Variants in PKD2 observed in about 807,000 individuals in gnomAD.
PKD2 encodes polycystin 2, transient receptor potential cation channel.
In PKD2, 48 loss-of-function variants were observed where a neutral mutation model predicts 105.9. The ratio of observed to expected loss-of-function variants is 0.45; its 90% CI spans 0.36 to 0.58. The LOEUF (loss-of-function observed/expected upper bound fraction) is 0.58. Among genes scored for constraint, PKD2 ranks in the 20% least tolerant of loss-of-function variants. The pLI, the probability that PKD2 is intolerant of heterozygous loss-of-function variation, is 0.00. For synonymous variants in PKD2, 464 were observed against 481.1 expected (o/e 0.96, Z 0.46); for missense variants, 1,078 against 1,255.3 (o/e 0.86, Z 2.13).
chr4:88,071,591 A>G lies in PKD2; in HGVS notation c.2523-3221A>G, dbSNP rs572598367. Among the ~76,000 whole-genome samples the G allele has an allele frequency of 6.0e-5, 9 of 151,090 alleles. No individual in the cohort carries two copies. The East Asian group carries it at 1.7e-3, about 29-fold the overall frequency. On this transcript the variant is annotated intron_variant, in intron 13 of 14. Transcript: ENST00000237596. ...TGTTGTTGTTGTTGTTAAAGATTGG[A>G]CATGTTAGATAATATATTGTAGGAA...
chr4:88,030,013 ATTCCT>A (rs975084518), intron 2 of PKD2, among the ~76,000 whole-genome samples: 1 of 152,154 alleles, frequency 6.6e-6, no homozygotes, highest in African/African-American at 2.4e-5. Context: ...AAGTGACAAG[ATTCCT>A]TTAAGTTTTA....
At chr4:88,070,593 TATATATATAGAGAGAG>T (rs1170609392) in intron 13 of PKD2, among the ~76,000 whole-genome samples, 6 of 108,484 alleles carry the variant, frequency 5.5e-5, no homozygotes, top group East Asian at 2.3e-4. Flanking sequence ...TATATATATA[TATATATATAGAGAGAG>T]AGAGAGAGAG....
chr4:88,024,457 G>GAAAAAAAAAAAAAAAAAAAAAAAAA (rs552942631), intron 2 of PKD2, among the ~76,000 whole-genome samples: 3 of 50,386 alleles, frequency 6.0e-5, no homozygotes, highest in Admixed American at 4.9e-4. Context: ...ACTCTGTCTC[G>GAAAAAAAAAAAAAAAAAAAAAAAAA]AAAAAAAAAA....
intron 1 of PKD2, among the ~76,000 whole-genome samples, chr4:88,010,697 C>T (rs1039326172): frequency 6.6e-6 from 1 of 152,248 alleles, no homozygotes; most frequent in African/African-American, 2.4e-5. Flanking sequence ...CTGAGCTCCT[C>T]ATTTATAAAA....
At chr4:88,062,137 A>G in intron 10 of PKD2, 133 bp downstream of exon 10, 2 of 622,728 alleles carry the variant, frequency 3.2e-6, no homozygotes, top group Admixed American at 4.9e-5. Context: ...TATTTCAGGA[A>G]TAATTTAAAT....
chr4:88,053,089 C>G (rs931103509), intron 7 of PKD2, among the ~76,000 whole-genome samples: 1 of 152,174 alleles, frequency 6.6e-6, no homozygotes, highest in Non-Finnish European at 1.5e-5. Flanking sequence ...CCAGCACAGG[C>G]TCTGATTGTG....
intron 2 of PKD2, among the ~76,000 whole-genome samples, chr4:88,027,910 A>G (rs1179385756): frequency 6.6e-6 from 1 of 152,160 alleles, no homozygotes; most frequent in Non-Finnish European, 1.5e-5. Context: ...CATGATTGTA[A>G]GTTTCCTGAG....
At chr4:88,016,151 G>A (rs971765307) in intron 1 of PKD2, among the ~76,000 whole-genome samples, 3 of 152,102 alleles carry the variant, frequency 2.0e-5, no homozygotes, top group African/African-American at 7.2e-5. Flanking sequence ...ACTTGCCTGC[G>A]GCTCACCTCC....
chr4:88,029,425 C>T (rs1727067834), intron 2 of PKD2, among the ~76,000 whole-genome samples: 1 of 152,152 alleles, frequency 6.6e-6, no homozygotes, highest in African/African-American at 2.4e-5. Flanking sequence ...TGGGATCTCT[C>T]ACAGGCCTCT....
chr4:88,046,848 G>T lies in PKD2; in HGVS notation c.1526G>T (p.Cys509Phe). The T allele has an allele frequency of 6.2e-7, 1 of 1,607,650 alleles. No individual in the cohort carries two copies. Among genetic ancestry groups the T allele is most frequent in the Non-Finnish European group, 8.5e-7 (1 of 1,174,112 alleles). Residue 509 changes from cysteine to phenylalanine, a missense_variant, in exon 6 of 15, where the codon TGT becomes TTT. Cys to Phe is a radical substitution (Grantham distance 205, BLOSUM62 -2). This residue lies in a region of PKD2 where 868 missense variants were observed against 1,067.3 expected (regional missense o/e 0.81). Coordinates refer to ENST00000237596, the MANE Select transcript of PKD2 (RefSeq NM_000297.4). ...CACTATTTCAGGAGTTTCTGGAATT[G>T]TCTGGATGTTGTGATCGTTGTGGTA... is the stretch of plus-strand genomic sequence containing the variant. ...KLHYFRSFWN[C>F]LDVVIVVLSV...
In PKD2 at chr4:88,061,932, T is replaced by C; in HGVS notation, c.2046T>C (p.Asp682=). ...ATATGTTTTTGGCTATCATCAATGA[T>C]ACTTACTCTGAAGTGAAATCTGACT... ...LLNMFLAIIN[D]TYSEVKSDLA... The change falls in exon 10 of 15, where the codon GAT becomes GAC. Residue 682 remains aspartate (D), a synonymous_variant. Coordinates refer to ENST00000237596, the MANE Select transcript of PKD2 (RefSeq NM_000297.4). The C allele has an allele frequency of 6.4e-7, 1 of 1,566,638 alleles. No individual in the cohort carries two copies. The highest frequency in any genetic ancestry group is 8.8e-7 in the Non-Finnish European group (1 of 1,136,872).
chr4:88,029,802 C>T (rs781330861), intron 2 of PKD2, among the ~76,000 whole-genome samples: 3 of 152,096 alleles, frequency 2.0e-5, no homozygotes, highest in East Asian at 1.9e-4. Context: ...ACGAGTCAGA[C>T]GAAGAGAGAA....
chr4:88,038,525 A>C (rs1324730506), intron 4 of PKD2, 24 bp downstream of exon 4: 3 of 1,611,842 alleles, frequency 1.9e-6, no homozygotes, highest in Non-Finnish European at 2.5e-6. Context: ...ACTCATTGCC[A>C]CTCGGTGATA....
chr4:88,011,858 C>T (rs951539755), intron 1 of PKD2, among the ~76,000 whole-genome samples: 1 of 127,312 alleles, frequency 7.9e-6, no homozygotes, highest in African/African-American at 3.1e-5. Context: ...TATGTCATCA[C>T]GAGCAGAGCT....
At chr4:88,055,911 C>T (rs994697164) in intron 7 of PKD2, among the ~76,000 whole-genome samples, 175 bp from the exon 8 acceptor site, 3 of 152,138 alleles carry the variant, frequency 2.0e-5, no homozygotes, top group Admixed American at 1.3e-4. Context: ...TGGAATCATA[C>T]AGTATTTGTC....
In PKD2 at chr4:88,075,422, A is replaced by T. The variant is rs376489731; in HGVS notation, c.2671-36A>T. ...TGGACTTCCTAAGGCATTTCCTTCT[A>T]CTGCCCCCAACACCAGTTTCTTTTT... On this transcript the variant is annotated intron_variant, in intron 14 of 14. Coordinates refer to ENST00000237596, the MANE Select transcript of PKD2 (RefSeq NM_000297.4). 2.7e-6 allele frequency: 4 copies of T among 1,471,252 alleles called. No individual in the cohort carries two copies. The African/African-American group carries it at 4.2e-5, about 15-fold the overall frequency. The allele number at this position is 1,471,252 out of a possible 1,614,324, so 91.1% of individuals were successfully genotyped here.
chr4:88,055,950 A>T (rs1013640729), intron 7 of PKD2, 136 bp from the exon 8 acceptor site: 8 of 701,512 alleles, frequency 1.1e-5, no homozygotes, highest in Non-Finnish European at 2.0e-5. Flanking sequence ...TTCACTTTGC[A>T]TGATGTTTTC....
intron 10 of PKD2, among the ~76,000 whole-genome samples, chr4:88,064,477 A>G (rs964582798): frequency 1.3e-5 from 2 of 152,244 alleles, no homozygotes; most frequent in African/African-American, 4.8e-5. Context: ...AGTTGTAAAG[A>G]TCACAGAACA....
At chr4:88,040,137 C>CTGAGTGGGCAAG (rs1289763555) in intron 4 of PKD2, among the ~76,000 whole-genome samples, 1 of 152,120 alleles carries the variant, frequency 6.6e-6, no homozygotes, top group Admixed American at 6.6e-5. Context: ...GATGAAAAAA[C>CTGAGTGGGCAAG]TGAGGCTCAC....
Sources: allele counts gnomAD v4.1 joint callset (sites outside exome capture counted in the v4.1 genomes callset), GRCh38; gene constraint gnomAD v4.1.1; regional missense constraint gnomAD v4.1.1; transcripts MANE v1.5; gene names NCBI Gene and HGNC (gene_info 2026-07-23, HGNC 2026-07-21).